The following ADGRV1 variants were observed in gnomAD, a reference collection of about 807,000 sequenced individuals.
The protein encoded by ADGRV1 is G-protein coupled receptor 98.
Under a neutral mutation model 596.2 loss-of-function variants are expected in ADGRV1, and 359 were observed. That is an observed-to-expected ratio of 0.60 (90% CI 0.55 to 0.66). The LOEUF (loss-of-function observed/expected upper bound fraction) is 0.66. Among genes scored for constraint, ADGRV1 ranks in the 30% least tolerant of loss-of-function variants. The probability of loss-of-function intolerance (pLI) is 0.00; values close to 1 mark genes in which losing one functional copy is unlikely to be tolerated. For missense variants in ADGRV1, 7,274 were observed against 7,575.6 expected, an observed-to-expected ratio of 0.96 and a Z score of 1.48; for synonymous variants, 2,681 against 2,679.2, an observed-to-expected ratio of 1.00 and a Z score of -0.02.
chr5:90,808,811 G>T (rs1161926113), intron 73 of ADGRV1, among the ~76,000 whole-genome samples: 1 of 152,072 alleles, frequency 6.6e-6, no homozygotes, highest in Admixed American at 6.5e-5. Flanking sequence ...CAGGAGAATC[G>T]CTTGAGCCCA....
chr5:90,722,954 C>T (rs1751280984), intron 45 of ADGRV1, among the ~76,000 whole-genome samples: 1 of 151,786 alleles, frequency 6.6e-6, no homozygotes, highest in East Asian at 1.9e-4. Context: ...ACTTAGGGGA[C>T]CTGGTAGGAA....
At chr5:90,815,507 C>T (rs1762807472) in intron 74 of ADGRV1, 112 bp from the exon 75 acceptor site, 1 of 589,340 alleles carries the variant, frequency 1.7e-6, no homozygotes, top group Non-Finnish European at 3.0e-6. Flanking sequence ...GCTCTCCTCA[C>T]CACCTGTGAA....
chr5:90,816,680 C>G (rs541234979), intron 75 of ADGRV1, among the ~76,000 whole-genome samples: 6 of 150,208 alleles, frequency 4.0e-5, no homozygotes, highest in Non-Finnish European at 5.9e-5. Flanking sequence ...TTTGTCCTTG[C>G]GATAGTTTGC....
intron 81 of ADGRV1, among the ~76,000 whole-genome samples, 183 bp from the exon 82 acceptor site, chr5:90,855,558 T>C (rs539624394): frequency 6.6e-6 from 1 of 152,316 alleles, no homozygotes; most frequent in Admixed American, 6.5e-5. Context: ...AGACATCCTG[T>C]GGAATCTGTC....
At chr5:90,904,826 A>G (rs1772168211) in intron 83 of ADGRV1, among the ~76,000 whole-genome samples, 1 of 152,002 alleles carries the variant, frequency 6.6e-6, no homozygotes, top group Admixed American at 6.6e-5. Context: ...AATGTCCTGG[A>G]GAGTTTCCCC....
chr5:90,674,259 A>C, intron 23 of ADGRV1, 25 bp downstream of exon 23: 1 of 1,531,688 alleles, frequency 6.5e-7, no homozygotes, highest in Non-Finnish European at 8.8e-7. Context: ...TTGCAAGAAA[A>C]ATCCTCTCTT....
rs746844966 is a variant in ADGRV1 at position 90,782,541 on chromosome 5, A to G, written c.13232-583A>G. 2.0e-5 allele frequency among the ~76,000 whole-genome samples: 3 copies of G among 152,136 alleles called. No individual in the cohort carries two copies. In the South Asian group the frequency reaches 6.2e-4, roughly 31 times the overall value. On this transcript the variant is annotated intron_variant, in intron 65 of 89. Transcript: ENST00000405460. ...TATATTTTAATATGCAGAATTTAGC[A>G]TAGCTTAAGAAATATATTTTTGAAA...
At chr5:90,830,489 A>AT (rs1012718666) in intron 77 of ADGRV1, among the ~76,000 whole-genome samples, 1 of 152,152 alleles carries the variant, frequency 6.6e-6, no homozygotes, top group African/African-American at 2.4e-5. Context: ...GATAAAAGAG[A>AT]TTTGAGGCAC....
chr5:90,777,783 A>G, intron 61 of ADGRV1, 122 bp from the exon 62 acceptor site: 1 of 894,506 alleles, frequency 1.1e-6, no homozygotes, highest in Non-Finnish European at 1.6e-6. Context: ...AAATGAGGTT[A>G]TTTAAAAGAA....
chr5:90,888,187 C>G (rs916925220), intron 83 of ADGRV1, among the ~76,000 whole-genome samples: 1 of 152,006 alleles, frequency 6.6e-6, no homozygotes, highest in Non-Finnish European at 1.5e-5. Context: ...TTTATGTTGA[C>G]TAGTGGAACA....
intron 76 of ADGRV1, among the ~76,000 whole-genome samples, chr5:90,826,442 A>ATCC (rs1239339412): frequency 6.6e-6 from 1 of 152,182 alleles, no homozygotes; most frequent in African/African-American, 2.4e-5. Flanking sequence ...TTTAGTTCAA[A>ATCC]TATTAACTCT....
At chr5:90,691,247 T>C in intron 31 of ADGRV1, 1 of 662,538 alleles carries the variant, frequency 1.5e-6, no homozygotes, top group South Asian at 1.5e-5. Flanking sequence ...TATGCCAGTT[T>C]ACTACTATAA....
intron 85 of ADGRV1, among the ~76,000 whole-genome samples, chr5:91,026,118 T>C (rs1460258244): frequency 3.3e-5 from 5 of 152,174 alleles, no homozygotes; most frequent in Non-Finnish European, 7.4e-5. Context: ...CAGCCAGCAA[T>C]ACACAGCTTA....
chr5:91,069,544 C>G (rs1000366363), intron 85 of ADGRV1, among the ~76,000 whole-genome samples: 7 of 152,120 alleles, frequency 4.6e-5, no homozygotes, highest in Non-Finnish European at 4.4e-5. Context: ...AAATGCAAAT[C>G]AAAACCACAA....
chr5:90,895,567 G>A (rs115822637), intron 83 of ADGRV1, among the ~76,000 whole-genome samples: 2,114 of 152,280 alleles, frequency 0.014, 25 homozygotes, highest in Non-Finnish European at 0.021. Flanking sequence ...CAAGAGGTGG[G>A]TAGGGTCTTC....
intron 83 of ADGRV1, among the ~76,000 whole-genome samples, chr5:90,890,468 G>C (rs1476470890): frequency 6.6e-6 from 1 of 152,046 alleles, no homozygotes; most frequent in Non-Finnish European, 1.5e-5. Context: ...CTAGTTACAG[G>C]ACCTTGACAA....
intron 21 of ADGRV1, among the ~76,000 whole-genome samples, chr5:90,662,700 C>A (rs1253152068): frequency 3.3e-5 from 5 of 151,584 alleles, no homozygotes; most frequent in Non-Finnish European, 4.4e-5. Flanking sequence ...CATGCTGGTG[C>A]TCTGCACCCA....
chr5:90,797,036 A>G (rs990402820), intron 70 of ADGRV1, among the ~76,000 whole-genome samples: 6 of 151,862 alleles, frequency 4.0e-5, no homozygotes, highest in African/African-American at 1.5e-4. Flanking sequence ...TATAAAGACC[A>G]TCGACACTAT....
At chr5:90,709,947 T>C (rs752011299) in intron 39 of ADGRV1, among the ~76,000 whole-genome samples, 6 of 152,216 alleles carry the variant, frequency 3.9e-5, no homozygotes. Flanking sequence ...TTCTTCTCAT[T>C]TTACAGATGA....
Sources: gnomAD v4.1 joint callset for allele counts (sites outside exome capture counted in the v4.1 genomes callset) on GRCh38, gnomAD v4.1.1 for gene constraint, MANE v1.5 for transcripts, NCBI Gene and HGNC (gene_info 2026-07-23, HGNC 2026-07-21) for gene names.